DGKH: variants seen among roughly 807,000 people sequenced by gnomAD.
DGKH encodes diacylglycerol kinase eta, also known as DAG kinase eta.
In DGKH, 90 loss-of-function variants were observed where a neutral mutation model predicts 159.3. The observed-to-expected ratio is 0.57, with a 90% CI of 0.48 to 0.67. The LOEUF (loss-of-function observed/expected upper bound fraction) is 0.67. DGKH is among the 30% of genes least tolerant of loss of function. DGKH has a pLI of 0.00. For synonymous variants in DGKH, 536 were observed against 553.8 expected (o/e 0.97, Z 0.45); for missense variants, 1,181 against 1,506.1 (o/e 0.78, Z 3.57).
chr13:42,048,850 C>T lies in DGKH; in HGVS notation c.77C>T (p.Thr26Ile), dbSNP rs776903757. ...GAAAGAGAAV[T>I]SAAASAGPGE... is the part of the protein sequence containing the mutation. Reference sequence around the variant, plus strand: ...GCCGCCGGAGCCGGCGCCGCGGTCACCTCCGCCGCTGCCTCGGCGGGGCCG... The same window carrying T: ...GCCGCCGGAGCCGGCGCCGCGGTCATCTCCGCCGCTGCCTCGGCGGGGCCG... The change falls in exon 1 of 30, where the codon ACC becomes ATC. Residue 26 changes from threonine (T) to isoleucine (I), a missense_variant. By Grantham distance (89) the Thr-to-Ile change is moderately conservative (BLOSUM62 -1). Coordinates refer to ENST00000337343, the MANE Select transcript of DGKH (RefSeq NM_178009.5). This position sits in a 1 kb window ranked among gnomAD's most constrained non-coding sequence, Gnocchi z 6.7. 3.1e-5 allele frequency: 43 copies of T among 1,365,612 alleles called. 1 individual carries two copies. In the Admixed American group the frequency reaches 1.5e-3, roughly 47 times the overall value. 84.6% of individuals were successfully genotyped at this position (1,365,612 alleles called of 1,614,324 possible). A position where few individuals can be genotyped will look rare whatever the true frequency, so the allele number is the denominator to read the frequency against.
chr13:42,190,013 T>G (rs1355938986), intron 15 of DGKH, among the ~76,000 whole-genome samples: 1 of 152,176 alleles, frequency 6.6e-6, no homozygotes, highest in African/African-American at 2.4e-5. Context: ...TTATGTTGCT[T>G]TATTAAGAGC....
chr13:42,135,305 C>T (rs1307957083), intron 3 of DGKH, among the ~76,000 whole-genome samples: 1 of 151,568 alleles, frequency 6.6e-6, no homozygotes, highest in Admixed American at 6.6e-5. Context: ...TTAAGACCAG[C>T]CTGGGCAAAA....
At position 42,229,197 on chromosome 13, in the gene DGKH, G is replaced by A. The variant is rs757587050; in HGVS notation, c.*9G>A. The A allele has an allele frequency of 3.7e-6, 6 of 1,604,444 alleles. No homozygotes were observed. In the East Asian group the frequency reaches 1.3e-4, roughly 36 times the overall value. On this transcript the variant is annotated 3_prime_UTR_variant, in exon 30 of 30. Transcript: ENST00000337343. ...CACAGTCGGAGGTGTAATCATATTG[G>A]TGCTATTTCTTGGAAGAGAAGTTAT...
intron 3 of DGKH, among the ~76,000 whole-genome samples, chr13:42,135,436 G>T (rs1955381089): frequency 7.2e-6 from 1 of 139,470 alleles, no homozygotes; most frequent in Admixed American, 8.2e-5. Flanking sequence ...GTTGCAGTAA[G>T]CCAAGATCGC....
chr13:42,241,468 C>T lies in DGKH; in HGVS notation c.*12280C>T, dbSNP rs1958512414. ...TTGTATCAGCCACCAATAATTTTGA[C>T]TGTTTTGTCAAGTACATATTTCATC... On this transcript the variant is annotated 3_prime_UTR_variant, in exon 30 of 30. Coordinates refer to ENST00000337343, the MANE Select transcript of DGKH (RefSeq NM_178009.5). 1 of 152,180 alleles carries T rather than the reference C, an allele frequency of 6.6e-6. No individual in the cohort carries two copies. The highest frequency in any genetic ancestry group is 1.5e-5 in the Non-Finnish European group (1 of 68,012). 9.4% of individuals were successfully genotyped at this position (152,180 alleles called of 1,614,324 possible).
At position 42,238,935 on chromosome 13, in the gene DGKH, T is replaced by G. The variant is rs1228769531; in HGVS notation, c.*9747T>G. 2 of 152,222 alleles carry G rather than the reference T, an allele frequency of 1.3e-5. No homozygotes were observed. The highest frequency in any genetic ancestry group is 1.3e-4 in the Admixed American group (2 of 15,292). 9.4% of individuals were successfully genotyped at this position (152,222 alleles called of 1,614,324 possible). On this transcript the variant is annotated 3_prime_UTR_variant, in exon 30 of 30. Coordinates refer to ENST00000337343, the MANE Select transcript of DGKH (RefSeq NM_178009.5). Reference sequence around the variant, plus strand: ...ATAGTATAATATGATAATTTGGAGCTCCTGTTGCATCTCACTGCCCCAAAA... The same window carrying G: ...ATAGTATAATATGATAATTTGGAGCGCCTGTTGCATCTCACTGCCCCAAAA...
chr13:42,111,854 T>C (rs1187088060), intron 1 of DGKH, among the ~76,000 whole-genome samples: 4 of 152,186 alleles, frequency 2.6e-5, no homozygotes, highest in African/African-American at 9.7e-5. Context: ...TTTGACAGGT[T>C]GAATTTCTTC....
chr13:42,088,511 G>T (rs1954352638), intron 1 of DGKH, among the ~76,000 whole-genome samples: 2 of 152,096 alleles, frequency 1.3e-5, no homozygotes, highest in African/African-American at 4.8e-5. Context: ...GTTTACCATT[G>T]TAAGAGTCTC....
chr13:42,198,553 C>G lies in DGKH; in HGVS notation c.2243C>G (p.Pro748Arg). Residue 748 changes from proline (P) to arginine (R), a missense_variant, in exon 18 of 30, where the codon CCT (proline) becomes CGT (arginine). Coordinates refer to ENST00000337343, the MANE Select transcript of DGKH (RefSeq NM_178009.5). Reference protein sequence around the residue: ...INKMLLANIDPFGATPFIDPD... With the variant: ...INKMLLANIDRFGATPFIDPD... ...AAAATGTTACTGGCAAACATTGATC[C>G]TTTTGGTGCCACGCCGTTTATTGAC... is the stretch of plus-strand genomic sequence containing the variant. The G allele has an allele frequency of 6.2e-7, 1 of 1,613,310 alleles. No individual in the cohort carries two copies. Among genetic ancestry groups the G allele is most frequent in the Non-Finnish European group, 8.5e-7 (1 of 1,179,754 alleles).
chr13:42,144,000 C>A (rs1440027174), intron 3 of DGKH, among the ~76,000 whole-genome samples: 2 of 152,004 alleles, frequency 1.3e-5, no homozygotes, highest in African/African-American at 4.8e-5. Context: ...CAAGAAATAA[C>A]TAAAAAAAAT....
In DGKH at chr13:42,084,922, TA is replaced by T. The variant is rs5803111; in HGVS notation, c.192+35970del. ...AAAGTTTCATAATGATTGTTCTTAG[TA>T]AAAAAAAAAAAATTAATCCTATAAA... On this transcript the variant is annotated intron_variant, in intron 1 of 29. Coordinates refer to ENST00000337343, the MANE Select transcript of DGKH (RefSeq NM_178009.5). 9.3e-4 allele frequency among the ~76,000 whole-genome samples: 136 copies of T among 146,202 alleles called. 1 individual carries two copies. Among genetic ancestry groups the T allele is most frequent in the East Asian group, 5.0e-3 (25 of 5,012 alleles).
At chr13:42,222,585 T>C (rs9533040) in intron 29 of DGKH, among the ~76,000 whole-genome samples, 12,674 of 152,114 alleles carry the variant, frequency 0.083, 645 homozygotes, top group Middle Eastern at 0.15. Flanking sequence ...TTGAAATGAG[T>C]CCACAAAAAA....
intron 24 of DGKH, among the ~76,000 whole-genome samples, chr13:42,211,777 G>A (rs1173512435): frequency 6.6e-5 from 10 of 152,172 alleles, no homozygotes; most frequent in Non-Finnish European, 1.3e-4. Context: ...ATGGCAGCAG[G>A]CAAAGGAGGA....
intron 3 of DGKH, among the ~76,000 whole-genome samples, chr13:42,154,689 G>A (rs1955995836): frequency 6.6e-6 from 1 of 152,102 alleles, no homozygotes; most frequent in South Asian, 2.1e-4. Context: ...GACAGTGGAA[G>A]TGATATGTAA....
At chr13:42,130,449 A>G (rs1955265550) in intron 3 of DGKH, among the ~76,000 whole-genome samples, 1 of 152,174 alleles carries the variant, frequency 6.6e-6, no homozygotes, top group Non-Finnish European at 1.5e-5. Context: ...GTGAATGTGT[A>G]TGTATATAAT....
intron 1 of DGKH, among the ~76,000 whole-genome samples, chr13:42,106,528 A>G (rs1457761920): frequency 1.3e-5 from 2 of 152,188 alleles, no homozygotes; most frequent in African/African-American, 4.8e-5. Flanking sequence ...CATCCCAACA[A>G]TGAAAAAAGT....
At chr13:42,165,550 A>G (rs1335439893) in intron 8 of DGKH, 117 bp downstream of exon 8, 6 of 503,212 alleles carry the variant, frequency 1.2e-5, no homozygotes, top group Non-Finnish European at 2.0e-5. Context: ...AGTTTTTCTA[A>G]AATAATTCCA....
In DGKH at chr13:42,232,151, T is replaced by C. The variant is rs1958312415; in HGVS notation, c.*2963T>C. 1 of 152,154 alleles carries C rather than the reference T, an allele frequency of 6.6e-6. No individual in the cohort carries two copies. Among genetic ancestry groups the C allele is most frequent in the African/African-American group, 2.4e-5 (1 of 41,408 alleles). 9.4% of individuals were successfully genotyped at this position (152,154 alleles called of 1,614,324 possible). ...TCTCCATGGGATCAGATCACAGCTT[T>C]GGGGAGTGGGATGGGGCCTCTATGC... On this transcript the variant is annotated 3_prime_UTR_variant, in exon 30 of 30. Coordinates refer to ENST00000337343, the MANE Select transcript of DGKH (RefSeq NM_178009.5).
chr13:42,248,761 G>A (rs1958600090), intron 29 of DGKH, among the ~76,000 whole-genome samples: 1 of 150,984 alleles, frequency 6.6e-6, no homozygotes, highest in African/African-American at 2.4e-5. Flanking sequence ...TATTACAATT[G>A]CCTGCAGCAT....
Sources: allele counts gnomAD v4.1 joint callset (sites outside exome capture counted in the v4.1 genomes callset), GRCh38; gene constraint gnomAD v4.1.1; non-coding constraint Gnocchi (gnomAD v3.1); transcripts MANE v1.5; gene names NCBI Gene and HGNC (gene_info 2026-07-23, HGNC 2026-07-21).